Variants in EDEM3 observed in about 807,000 individuals in gnomAD.
EDEM3 encodes the protein ER degradation enhancing alpha-mannosidase like protein 3.
A neutral mutation model predicts 110.2 loss-of-function variants in EDEM3; 60 were observed. The ratio of observed to expected loss-of-function variants is 0.54; its 90% CI spans 0.44 to 0.67. The LOEUF is 0.67. Among genes scored for constraint, EDEM3 ranks in the 30% least tolerant of loss-of-function variants. EDEM3 has a pLI of 0.00. For synonymous variants in EDEM3, 352 were observed against 382.9 expected, an observed-to-expected ratio of 0.92 and a Z score of 0.94; for missense variants, 996 against 1,121.0, an observed-to-expected ratio of 0.89 and a Z score of 1.59.
In EDEM3 at chr1:184,708,203, A is replaced by G; in HGVS notation, c.1987T>C (p.Leu663=). ...CCAAACTGAGCTGGTCCAGCAGTCA[A>G]TACTACCCTGCCAAAAAATGGGTGG... is the stretch of plus-strand genomic sequence containing the variant. The part of the protein sequence containing the change: ...VSHPFFGRVV[L]TAGPAQFGLD... Residue 663 remains leucine (L), a synonymous_variant, in exon 17 of 20, where the codon TTG becomes CTG. Coordinates refer to ENST00000318130, the MANE Select transcript of EDEM3 (RefSeq NM_025191.4). The G allele has an allele frequency of 2.5e-6, 4 of 1,613,824 alleles. No homozygotes were observed. The highest frequency in any genetic ancestry group is 3.4e-6 in the Non-Finnish European group (4 of 1,179,862).
In EDEM3 at chr1:184,738,143, G is replaced by A. The variant is rs145305999; in HGVS notation, c.205-432C>T. On this transcript the variant is annotated intron_variant, in intron 2 of 19. Coordinates refer to ENST00000318130, the MANE Select transcript of EDEM3 (RefSeq NM_025191.4). Reference sequence around the variant, plus strand: ...AGTTTTCTTCCCACGTTTTTAGAATGTTACAGATGTACTCTATTCTAATAA... The same window carrying A: ...AGTTTTCTTCCCACGTTTTTAGAATATTACAGATGTACTCTATTCTAATAA... Among the ~76,000 whole-genome samples, 529 of 152,236 alleles carry A rather than the reference G, an allele frequency of 3.5e-3. 3 individuals carry two copies. The highest frequency in any genetic ancestry group is 4.6e-3 in the South Asian group (22 of 4,828).
At position 184,732,844 on chromosome 1, in the gene EDEM3, T is replaced by A. The variant is rs1160565058; in HGVS notation, c.605A>T (p.Tyr202Phe). 3.1e-6 allele frequency: 5 copies of A among 1,612,614 alleles called. No individual in the cohort carries two copies. In the Admixed American group the frequency reaches 6.7e-5, roughly 22 times the overall value. ...PAFNTTSGLP[Y>F]PRINLKFGIR... ...TTTTTCAGAAGTACTTACTCTTGGATAAGGAAGGCCACTGGTAGTGTTGAA... is the reference window on the plus strand; with the variant it reads ...TTTTTCAGAAGTACTTACTCTTGGAAAAGGAAGGCCACTGGTAGTGTTGAA... The change falls in exon 6 of 20, where the codon TAT becomes TTT. Residue 202 changes from tyrosine to phenylalanine, a missense_variant. This residue lies in a region of EDEM3 where 310 missense variants were observed against 394.6 expected (regional missense o/e 0.79). Coordinates refer to ENST00000318130, the MANE Select transcript of EDEM3 (RefSeq NM_025191.4).
At chr1:184,710,652 G>C in intron 15 of EDEM3, 105 bp from the exon 16 acceptor site, 1 of 1,311,436 alleles carries the variant, frequency 7.6e-7, no homozygotes, top group Non-Finnish European at 1.0e-6. Flanking sequence ...GCTAGTTTTA[G>C]AACTAGTGAA....
At chr1:184,731,365 A>C (rs553935799) in intron 6 of EDEM3, among the ~76,000 whole-genome samples, 1 of 152,314 alleles carries the variant, frequency 6.6e-6, no homozygotes, top group South Asian at 2.1e-4. Context: ...ACACAGAAGA[A>C]ATCTTAAAAT....
chr1:184,702,805 T>C lies in EDEM3; in HGVS notation c.2389+6A>G. 2 of 1,576,270 alleles carry C rather than the reference T, an allele frequency of 1.3e-6. No homozygotes were observed. The highest frequency in any genetic ancestry group is 2.3e-5 in the South Asian group (2 of 85,118). Reference sequence around the variant, plus strand: ...CATAAAAAAACAAATGGTATTTTACTCTTACCTCGATCTTTTGCTTTATCA... The same window carrying C: ...CATAAAAAAACAAATGGTATTTTACCCTTACCTCGATCTTTTGCTTTATCA... On this transcript the variant is annotated splice_donor_region_variant and intron_variant, in intron 19 of 19. Transcript: ENST00000318130.
intron 9 of EDEM3, chr1:184,720,738 T>C (rs1305939490): frequency 6.5e-6 from 1 of 153,284 alleles, no homozygotes; most frequent in African/African-American, 2.4e-5. Context: ...ACTGATGAGT[T>C]TGCTATATTC....
chr1:184,710,693 T>C (rs1650177857), intron 15 of EDEM3, 146 bp from the exon 16 acceptor site: 3 of 993,618 alleles, frequency 3.0e-6, no homozygotes, highest in African/African-American at 3.3e-5. Context: ...TTTTCTTACA[T>C]ATAATTTAGG....
At chr1:184,705,814 C>T (rs916177887) in intron 18 of EDEM3, among the ~76,000 whole-genome samples, 3 of 152,036 alleles carry the variant, frequency 2.0e-5, no homozygotes, top group Non-Finnish European at 4.4e-5. Context: ...CTCCTATTTA[C>T]TTTAAAACAG....
chr1:184,710,399 T>C lies in EDEM3; in HGVS notation c.1840A>G (p.Ile614Val), dbSNP rs1232478118. 2 of 1,613,698 alleles carry C rather than the reference T, an allele frequency of 1.2e-6. No homozygotes were observed. Reference sequence around the variant, plus strand: ...TTAGTGTAGCAATGTCTTACTTGGATTGCATGTTGGACCAACTGGACTCTC... The same window carrying C: ...TTAGTGTAGCAATGTCTTACTTGGACTGCATGTTGGACCAACTGGACTCTC... ...DGRVQLVQHA[I>V]QAASSIDAED... The change falls in exon 16 of 20, where the codon ATC becomes GTC. Residue 614 changes from isoleucine (I) to valine (V), a missense_variant. Ile to Val is a conservative substitution (Grantham distance 29). Around this residue, in one of 5 missense-constraint regions of EDEM3, gnomAD observed 345 missense variants for 402.0 expected, o/e 0.86. Coordinates refer to ENST00000318130, the MANE Select transcript of EDEM3 (RefSeq NM_025191.4).
chr1:184,746,890 G>GA (rs746038549), intron 2 of EDEM3, among the ~76,000 whole-genome samples: 4 of 151,976 alleles, frequency 2.6e-5, no homozygotes, highest in Non-Finnish European at 5.9e-5. Flanking sequence ...TATATTTTAG[G>GA]ATAGTAGGCA....
rs561910683 is a variant in EDEM3, at chr1:184,691,645, C to G, written c.*2418G>C. The G allele has an allele frequency of 1.3e-5, 2 of 151,472 alleles. No individual in the cohort carries two copies. Among genetic ancestry groups the G allele is most frequent in the South Asian group, 2.1e-4 (1 of 4,802 alleles). 9.4% of individuals were successfully genotyped at this position (151,472 alleles called of 1,614,324 possible). ...CTAAAAAAAAAAAAAACAACTAATG[C>G]CTTTGGAATTTTTAATGAACTCAAA... On this transcript the variant is annotated 3_prime_UTR_variant, in exon 20 of 20. Coordinates refer to ENST00000318130, the MANE Select transcript of EDEM3 (RefSeq NM_025191.4).
chr1:184,710,620 AAAT>A (rs1650173393), intron 15 of EDEM3, 73 bp from the exon 16 acceptor site: 2 of 1,488,074 alleles, frequency 1.3e-6, no homozygotes, highest in Non-Finnish European at 1.8e-6. Flanking sequence ...TGTCAAATAA[AAAT>A]AATGTTACTT....
chr1:184,739,797 A>AT (rs1457755657), intron 2 of EDEM3, among the ~76,000 whole-genome samples: 1 of 152,210 alleles, frequency 6.6e-6, no homozygotes, highest in Non-Finnish European at 1.5e-5. Context: ...GTTATAAATT[A>AT]TTTTTTAACA....
intron 17 of EDEM3, among the ~76,000 whole-genome samples, 155 bp downstream of exon 17, chr1:184,707,998 T>C (rs550955740): frequency 6.6e-6 from 1 of 152,364 alleles, no homozygotes; most frequent in African/African-American, 2.4e-5. Context: ...CTCAAAGTTT[T>C]CAAGACATGC....
chr1:184,739,225 C>A, intron 2 of EDEM3, among the ~76,000 whole-genome samples: 1 of 148,946 alleles, frequency 6.7e-6, no homozygotes, highest in East Asian at 1.9e-4. Flanking sequence ...ATTATTTTAT[C>A]ATTAAAATTA....
At chr1:184,700,096 G>T (rs1484234401) in intron 19 of EDEM3, among the ~76,000 whole-genome samples, 1 of 151,924 alleles carries the variant, frequency 6.6e-6, no homozygotes, top group African/African-American at 2.4e-5. Flanking sequence ...AAGTGTCACA[G>T]GTTTGACCTA....
chr1:184,721,406 A>AT lies in EDEM3; in HGVS notation c.854-21dup. ...CACTATCTATGGAAACACAAATGTG[A>AT]TTTTTCATTAAATTTTTTTAAAACC... is the stretch of plus-strand genomic sequence containing the variant. On this transcript the variant is annotated intron_variant, in intron 8 of 19. Transcript: ENST00000318130. The AT allele has an allele frequency of 6.4e-7, 1 of 1,557,228 alleles. No homozygotes were observed. The highest frequency in any genetic ancestry group is 8.6e-7 in the Non-Finnish European group (1 of 1,157,948).
chr1:184,726,198 A>G, intron 7 of EDEM3, 57 bp downstream of exon 7: 1 of 1,554,306 alleles, frequency 6.4e-7, no homozygotes, highest in South Asian at 1.2e-5. Context: ...CCAATGAAGA[A>G]GATATAAAGG....
At chr1:184,696,605 G>C (rs1649345311) in intron 19 of EDEM3, among the ~76,000 whole-genome samples, 1 of 151,656 alleles carries the variant, frequency 6.6e-6, no homozygotes, top group African/African-American at 2.4e-5. Context: ...ATCAGCAGGG[G>C]GTGGATTGAG....
Sources: gnomAD v4.1 joint callset for allele counts (sites outside exome capture counted in the v4.1 genomes callset) on GRCh38, gnomAD v4.1.1 for gene constraint, gnomAD v4.1.1 regional missense constraint, MANE v1.5 for transcripts, NCBI Gene and HGNC (gene_info 2026-07-23, HGNC 2026-07-21) for gene names.